The following IQSEC3 variants were observed in gnomAD, a reference collection of about 807,000 sequenced individuals.
The protein encoded by IQSEC3 is IQ motif and SEC7 domain-containing protein 3.
IQSEC3 carries 50 observed loss-of-function variants against 105.4 expected under a neutral mutation model. The observed-to-expected ratio is 0.47, with a 90% confidence interval of 0.38 to 0.60. The LOEUF is 0.60. Ranked by LOEUF, IQSEC3 falls within the 20% of genes least tolerant of loss-of-function variation. The pLI is 0.00. For synonymous variants in IQSEC3, 708 were observed against 746.0 expected (o/e 0.95, Z 0.83); for missense variants, 1,415 against 1,630.0 (o/e 0.87, Z 2.27).
rs1865877653 is a variant in IQSEC3, at chr12:138,708, C to T, written c.1345C>T (p.Leu449=). 3.3e-6 allele frequency: 5 copies of T among 1,515,270 alleles called. No homozygotes were observed. Among genetic ancestry groups the T allele is most frequent in the African/African-American group, 1.4e-5 (1 of 71,628 alleles). The allele number at this position is 1,515,270 out of a possible 1,614,324, so 93.9% of individuals were successfully genotyped here. ...GCAGGCGGCCGCGGGGCCCCCAGGC[C>T]TGGAGGCCGAGGGGCGGGCGCCGGA... ...ALQAAAGPPG[L]EAEGRAPESA... Residue 449 remains leucine, a synonymous_variant, in exon 4 of 14, where the codon CTG becomes TTG. Transcript: ENST00000538872. The surrounding 1 kb of genome is among the most constrained non-coding windows in gnomAD (Gnocchi z 7.1).
intron 3 of IQSEC3, among the ~76,000 whole-genome samples, chr12:134,013 T>C (rs1555085688): frequency 6.6e-6 from 1 of 152,254 alleles, no homozygotes; most frequent in African/African-American, 2.4e-5. Context: ...GCAGTTACGC[T>C]GTAGCCTGGG....
intron 2 of IQSEC3, among the ~76,000 whole-genome samples, chr12:100,549 C>G (rs915921279): frequency 2.0e-5 from 3 of 152,140 alleles, no homozygotes; most frequent in Non-Finnish European, 2.9e-5. Flanking sequence ...AGGCGGGGCT[C>G]TGAGGAGGAC....
intron 13 of IQSEC3, among the ~76,000 whole-genome samples, chr12:174,177 C>T (rs1276870751): frequency 1.3e-5 from 2 of 152,162 alleles, no homozygotes; most frequent in Admixed American, 6.5e-5. Context: ...GGCTCAATAA[C>T]GCTTGGCTCT....
chr12:115,337 C>G (rs1288193383), intron 2 of IQSEC3, among the ~76,000 whole-genome samples: 1 of 152,096 alleles, frequency 6.6e-6, no homozygotes, highest in Non-Finnish European at 1.5e-5. Context: ...GTAGGGCTGA[C>G]CTGGGTTGGA....
intron 2 of IQSEC3, chr12:106,833 A>C (rs1296791055): frequency 6.6e-6 from 1 of 152,106 alleles, no homozygotes; most frequent in African/African-American, 2.4e-5. Flanking sequence ...TTACCCATTC[A>C]CTTATCTTCT....
intron 7 of IQSEC3, among the ~76,000 whole-genome samples, chr12:160,965 G>GA (rs1415339388): frequency 8.5e-5 from 13 of 152,102 alleles, no homozygotes; most frequent in African/African-American, 3.1e-4. Context: ...TTGAACTGGG[G>GA]GCATCCATAC....
chr12:164,024 G>T (rs1273168034), intron 9 of IQSEC3, among the ~76,000 whole-genome samples: 3 of 152,042 alleles, frequency 2.0e-5, no homozygotes, highest in Non-Finnish European at 4.4e-5. Flanking sequence ...GGCGAGGCTG[G>T]TGTGTGTGTG....
At chr12:129,088 G>A (rs565270193) in intron 3 of IQSEC3, among the ~76,000 whole-genome samples, 56 of 152,326 alleles carry the variant, frequency 3.7e-4, no homozygotes, top group African/African-American at 1.2e-3. Context: ...ACTTCAGGTC[G>A]CAGCCGAGGC....
chr12:105,029 G>A (rs1261538342), intron 2 of IQSEC3, among the ~76,000 whole-genome samples: 1 of 152,244 alleles, frequency 6.6e-6, no homozygotes, highest in Non-Finnish European at 1.5e-5. Flanking sequence ...GGCTTAGGGC[G>A]GCAGCGTGGG....
At chr12:107,636 T>C (rs1555078360) in intron 2 of IQSEC3, among the ~76,000 whole-genome samples, 1 of 151,992 alleles carries the variant, frequency 6.6e-6, no homozygotes, top group African/African-American at 2.4e-5. Flanking sequence ...GGTCTCGATC[T>C]CCTGACCTCG....
chr12:132,459 T>C (rs1865633401), intron 3 of IQSEC3, among the ~76,000 whole-genome samples: 1 of 152,260 alleles, frequency 6.6e-6, no homozygotes, highest in South Asian at 2.1e-4. Context: ...TTGGGTCTGG[T>C]TCTGCAGTGT....
chr12:151,232 G>A (rs3847944), intron 5 of IQSEC3, among the ~76,000 whole-genome samples: 60,617 of 73,596 alleles, frequency 0.82, 25,038 homozygotes, highest in Non-Finnish European at 0.91. Flanking sequence ...GAACACCTCA[G>A]ACTTCGTGTG....
rs1277162923 is a variant in IQSEC3 at position 138,268 on chromosome 12, T to C, written c.905T>C (p.Ile302Thr). The C allele has an allele frequency of 6.2e-7, 1 of 1,609,558 alleles. No homozygotes were observed. Among genetic ancestry groups the C allele is most frequent in the South Asian group, 1.1e-5 (1 of 90,796 alleles). Residue 302 changes from isoleucine to threonine, a missense_variant and splice_region_variant, in exon 4 of 14, where the codon ATT becomes ACT. Ile to Thr is a moderately conservative substitution (Grantham distance 89, BLOSUM62 -1). Around this residue, in one of 6 missense-constraint regions of IQSEC3, gnomAD observed 720 missense variants for 633.0 expected, o/e 1.14. Coordinates refer to ENST00000538872, the MANE Select transcript of IQSEC3 (RefSeq NM_001170738.2). The surrounding 1 kb of genome is among the most constrained non-coding windows in gnomAD (Gnocchi z 7.1). ...ELSLDLKNKQ[I>T]EMLEHKYGGH... ...TCCTCTCTGTCCTCGTCCTTGCAGA[T>C]TGAAATGCTAGAACATAAGTACGGC... is the stretch of plus-strand genomic sequence containing the variant.
At chr12:99,740 C>A (rs560772162) in intron 2 of IQSEC3, among the ~76,000 whole-genome samples, 1 of 152,330 alleles carries the variant, frequency 6.6e-6, no homozygotes, top group Non-Finnish European at 1.5e-5. Context: ...GTTGAGGAGT[C>A]AGGTTTCAGA....
In IQSEC3 at chr12:162,144, C is replaced by T. The variant is rs1866921003; in HGVS notation, c.2583+79C>T. 9.9e-6 allele frequency: 15 copies of T among 1,514,914 alleles called. No homozygotes were observed. In the South Asian group the frequency reaches 1.1e-4, roughly 11 times the overall value. 93.8% of individuals were successfully genotyped at this position (1,514,914 alleles called of 1,614,324 possible). A position where few individuals can be genotyped will look rare whatever the true frequency, so the allele number is the denominator to read the frequency against. On this transcript the variant is annotated intron_variant, in intron 8 of 13. Coordinates refer to ENST00000538872, the MANE Select transcript of IQSEC3 (RefSeq NM_001170738.2). ...GCATCTCTTCCCATTCTCCTTCTTA[C>T]CTTTCCAAAACTCTTTTTTCATATT...
At chr12:74,951 C>T (rs1863460771) in intron 1 of IQSEC3, among the ~76,000 whole-genome samples, 1 of 152,260 alleles carries the variant, frequency 6.6e-6, no homozygotes. Flanking sequence ...CAAAAGAGCC[C>T]ATCAGGGCTG....
At chr12:76,075 T>G (rs1244463696) in intron 1 of IQSEC3, among the ~76,000 whole-genome samples, 7 of 146,960 alleles carry the variant, frequency 4.8e-5, no homozygotes, top group African/African-American at 1.8e-4. Flanking sequence ...ATCTCTGCAG[T>G]GAGAGTTTCA....
intron 1 of IQSEC3, chr12:77,701 C>T (rs1215827210): frequency 5.2e-6 from 2 of 384,264 alleles, no homozygotes; most frequent in East Asian, 3.0e-4. Flanking sequence ...CTCCAGCCGG[C>T]TCCCTCCGAC....
At chr12:92,664 G>T (rs1864125473) in intron 1 of IQSEC3, among the ~76,000 whole-genome samples, 1 of 152,230 alleles carries the variant, frequency 6.6e-6, no homozygotes, top group Admixed American at 6.5e-5. Flanking sequence ...CGCATCTCAG[G>T]ATTTGCTCGA....
Sources: gnomAD v4.1 joint callset for allele counts (sites outside exome capture counted in the v4.1 genomes callset) on GRCh38, gnomAD v4.1.1 for gene constraint, gnomAD v4.1.1 regional missense constraint, Gnocchi (gnomAD v3.1) non-coding constraint, MANE v1.5 for transcripts, NCBI Gene and HGNC (gene_info 2026-07-23, HGNC 2026-07-21) for gene names.